Variants in PEX7 observed in about 807,000 individuals in gnomAD.
PEX7 encodes PTS2 receptor.
In PEX7, 34 loss-of-function variants were observed where a neutral mutation model predicts 47.5. That is an observed-to-expected ratio of 0.72 (90% CI 0.54 to 0.95). The LOEUF (loss-of-function observed/expected upper bound fraction) is 0.95, where lower values mean the gene tolerates loss of function less well. Among genes scored for constraint, PEX7 ranks in the 40% least tolerant of loss-of-function variants. The pLI is 0.00. For synonymous variants in PEX7, 141 were observed against 148.8 expected, an observed-to-expected ratio of 0.95 and a Z score of 0.38; for missense variants, 394 against 400.3, an observed-to-expected ratio of 0.98 and a Z score of 0.13.
At chr6:136,845,785 T>C in intron 4 of PEX7, 93 bp downstream of exon 4, 1 of 849,256 alleles carries the variant, frequency 1.2e-6, no homozygotes, top group Non-Finnish European at 2.0e-6. Context: ...CTTCTGTAGC[T>C]CTATGATTCG....
intron 3 of PEX7, among the ~76,000 whole-genome samples, chr6:136,840,560 A>G (rs1203222263): frequency 6.6e-6 from 1 of 152,202 alleles, no homozygotes; most frequent in South Asian, 2.1e-4. Context: ...GGGGAGTGAC[A>G]TTTAATTTGT....
intron 8 of PEX7, among the ~76,000 whole-genome samples, chr6:136,892,459 G>A (rs941815526): frequency 1.3e-5 from 2 of 152,174 alleles, no homozygotes; most frequent in Non-Finnish European, 2.9e-5. Context: ...GATGTCAGGA[G>A]AGTCTGTGTT....
intron 5 of PEX7, among the ~76,000 whole-genome samples, chr6:136,850,012 A>C (rs1774710757): frequency 6.6e-6 from 1 of 151,928 alleles, no homozygotes; most frequent in African/African-American, 2.4e-5. Context: ...GTCTCTAAGG[A>C]CTTGCTTTAT....
chr6:136,872,248 T>G lies in PEX7; in HGVS notation c.798T>G (p.Thr266=), dbSNP rs1173582316. 6.2e-7 allele frequency: 1 copy of G among 1,610,412 alleles called. No homozygotes were observed. Among genetic ancestry groups the G allele is most frequent in the Non-Finnish European group, 8.5e-7 (1 of 1,178,558 alleles). ...TGGCCTCTTGCTCGTATGATTTTAC[T>G]GTAAGGTACAGTGGTTTTTAATACA... is the stretch of plus-strand genomic sequence containing the variant. ...SVLASCSYDF[T]VRFWNFSKPD... The change falls in exon 8 of 10, where the codon ACT becomes ACG. Residue 266 remains threonine, a synonymous_variant. Transcript: ENST00000318471.
At chr6:136,913,420 C>A (rs370628957) in intron 9 of PEX7, 38 bp from the exon 10 acceptor site, 83 of 1,464,372 alleles carry the variant, frequency 5.7e-5, no homozygotes, top group Non-Finnish European at 7.5e-5. Flanking sequence ...TTTTGTATGT[C>A]TAAATACGTT....
intron 8 of PEX7, among the ~76,000 whole-genome samples, chr6:136,896,867 C>A (rs1202779292): frequency 5.3e-5 from 8 of 152,184 alleles, no homozygotes; most frequent in Admixed American, 3.3e-4. Flanking sequence ...CTTCTCTCAA[C>A]ATTATCGGGA....
At chr6:136,903,622 G>A (rs182959577) in intron 9 of PEX7, among the ~76,000 whole-genome samples, 1 of 151,216 alleles carries the variant, frequency 6.6e-6, no homozygotes, top group African/African-American at 2.4e-5. Flanking sequence ...GATTAGATTT[G>A]GTTCTGATTT....
intron 3 of PEX7, among the ~76,000 whole-genome samples, chr6:136,833,813 C>T (rs907974362): frequency 8.5e-5 from 13 of 152,172 alleles, no homozygotes; most frequent in African/African-American, 3.1e-4. Context: ...CATTTACCTT[C>T]TTTTGGCTTT....
intron 8 of PEX7, among the ~76,000 whole-genome samples, chr6:136,884,441 A>T (rs1210344279): frequency 6.6e-6 from 1 of 152,186 alleles, no homozygotes; most frequent in East Asian, 1.9e-4. Context: ...CTACCTTTAG[A>T]TTCTCTGGAT....
intron 8 of PEX7, among the ~76,000 whole-genome samples, chr6:136,894,655 C>G (rs1279985611): frequency 6.6e-6 from 1 of 152,122 alleles, no homozygotes; most frequent in Non-Finnish European, 1.5e-5. Context: ...TGTATACTTG[C>G]ATTGTTAAAG....
At chr6:136,904,007 CA>C (rs1197742213) in intron 9 of PEX7, among the ~76,000 whole-genome samples, 1 of 152,006 alleles carries the variant, frequency 6.6e-6, no homozygotes, top group Non-Finnish European at 1.5e-5. Context: ...TGTTTTGGTT[CA>C]AACCTCTATT....
chr6:136,837,190 A>C (rs374998167), intron 3 of PEX7, among the ~76,000 whole-genome samples: 4 of 151,384 alleles, frequency 2.6e-5, no homozygotes, highest in South Asian at 2.1e-4. Flanking sequence ...GAAACCCTGT[A>C]TCTACTAAAA....
chr6:136,824,457 C>A (rs111306271), intron 1 of PEX7, among the ~76,000 whole-genome samples: 31 of 152,264 alleles, frequency 2.0e-4, no homozygotes, highest in African/African-American at 6.7e-4. Flanking sequence ...CCTGCCTTGG[C>A]CTCCCAAAGT....
intron 3 of PEX7, among the ~76,000 whole-genome samples, chr6:136,841,806 G>A (rs943363425): frequency 6.6e-6 from 1 of 151,306 alleles, no homozygotes; most frequent in Non-Finnish European, 1.5e-5. Context: ...GGCTGGTCTC[G>A]AACTCGTGGC....
chr6:136,893,842 T>C (rs2115266327), intron 8 of PEX7, among the ~76,000 whole-genome samples: 1 of 152,334 alleles, frequency 6.6e-6, no homozygotes, highest in South Asian at 2.1e-4. Flanking sequence ...AAGTAATTCA[T>C]GACTAACTCA....
At chr6:136,905,682 T>C (rs1446996263) in intron 9 of PEX7, among the ~76,000 whole-genome samples, 1 of 152,224 alleles carries the variant, frequency 6.6e-6, no homozygotes, top group Non-Finnish European at 1.5e-5. Flanking sequence ...AAGTAGATGT[T>C]CTCCAATATT....
At chr6:136,840,601 G>A (rs1774478923) in intron 3 of PEX7, among the ~76,000 whole-genome samples, 1 of 152,174 alleles carries the variant, frequency 6.6e-6, no homozygotes, top group Non-Finnish European at 1.5e-5. Context: ...TATGCAGTGT[G>A]GATAATGGAT....
At chr6:136,831,789 C>T (rs1473061467) in intron 3 of PEX7, among the ~76,000 whole-genome samples, 2 of 152,274 alleles carry the variant, frequency 1.3e-5, no homozygotes, top group African/African-American at 2.4e-5. Flanking sequence ...AAATGATCTC[C>T]TTTGACTCCA....
At position 136,867,692 on chromosome 6, in the gene PEX7, C is replaced by T. The variant is rs529278292; in HGVS notation, c.633+959C>T. ...ACTCGGGAGGCTGAGGCAGGGGAAT[C>T]GCTTGAACTGGGAGGCAGAGGCTGC... is the stretch of plus-strand genomic sequence containing the variant. On this transcript the variant is annotated intron_variant, in intron 6 of 9. Coordinates refer to ENST00000318471, the MANE Select transcript of PEX7 (RefSeq NM_000288.4). Among the ~76,000 whole-genome samples, 244 of 151,954 alleles carry T rather than the reference C, an allele frequency of 1.6e-3. 1 individual carries two copies. The highest frequency in any genetic ancestry group is 2.6e-3 in the Admixed American group (40 of 15,220).
Sources: gnomAD v4.1 joint callset for allele counts (sites outside exome capture counted in the v4.1 genomes callset) on GRCh38, gnomAD v4.1.1 for gene constraint, MANE v1.5 for transcripts, NCBI Gene and HGNC (gene_info 2026-07-23, HGNC 2026-07-21) for gene names.